ERBB4: variants seen among roughly 807,000 people sequenced by gnomAD.
ERBB4 encodes receptor tyrosine-protein kinase erbB-4.
ERBB4 carries 42 observed loss-of-function variants against 158.0 expected under a neutral mutation model. The observed-to-expected ratio is 0.27, with a 90% CI of 0.21 to 0.34. ERBB4 has a LOEUF of 0.34. Among genes scored for constraint, ERBB4 ranks in the 10% least tolerant of loss-of-function variants. The pLI is 1.00. For missense variants in ERBB4, 1,333 were observed against 1,624.1 expected (o/e 0.82, Z 3.08); for synonymous variants, 583 against 558.7 (o/e 1.04, Z -0.61).
chr2:211,442,314 C>T (rs1222208343), intron 20 of ERBB4, among the ~76,000 whole-genome samples: 1 of 152,066 alleles, frequency 6.6e-6, no homozygotes, highest in Non-Finnish European at 1.5e-5. Flanking sequence ...ACAAGATCTT[C>T]CCCAACTCCT....
At chr2:211,653,498 G>T in intron 16 of ERBB4, among the ~76,000 whole-genome samples, 1 of 11,088 alleles carries the variant, frequency 9.0e-5, no homozygotes. Flanking sequence ...CGCCCGCCCC[G>T]CTGGTTTGGG....
intron 2 of ERBB4, among the ~76,000 whole-genome samples, chr2:212,094,266 T>A (rs1035706838): frequency 4.0e-5 from 6 of 149,512 alleles, no homozygotes; most frequent in Non-Finnish European, 8.9e-5. Flanking sequence ...TAATAAAAAA[T>A]AATAATAATA....
chr2:211,443,081 C>T (rs1269049424), intron 20 of ERBB4, among the ~76,000 whole-genome samples: 1 of 151,980 alleles, frequency 6.6e-6, no homozygotes, highest in African/African-American at 2.4e-5. Flanking sequence ...CTCATCCTTA[C>T]TCTTTCTATC....
chr2:211,964,651 A>T (rs1575444698), intron 2 of ERBB4, among the ~76,000 whole-genome samples: 1 of 152,282 alleles, frequency 6.6e-6, no homozygotes, highest in South Asian at 2.1e-4. Context: ...TAGCTGACAC[A>T]CAGAAATAAA....
chr2:211,387,006 T>C lies in ERBB4; in HGVS notation c.3328A>G (p.Thr1110Ala). The C allele has an allele frequency of 6.2e-7, 1 of 1,613,664 alleles. No individual in the cohort carries two copies. The highest frequency in any genetic ancestry group is 8.5e-7 in the Non-Finnish European group (1 of 1,179,908). Residue 1110 changes from threonine to alanine, a missense_variant, in exon 27 of 28, where the codon ACC becomes GCC. Thr to Ala is a moderately conservative substitution (Grantham distance 58). This residue lies in a region of ERBB4 where 252 missense variants were observed against 241.3 expected (regional missense o/e 1.04). Transcript: ENST00000342788. ...TGGGGTGCCACTGGCTTGCGTAGGG[T>C]GCCATTACAGCAGGAGTCATCAAAA... ...EIFDDSCCNGTLRKPVAPHVQ... is the reference protein window; with the variant it reads ...EIFDDSCCNGALRKPVAPHVQ...
chr2:212,535,290 A>G (rs1692987045), intron 1 of ERBB4, among the ~76,000 whole-genome samples: 1 of 152,280 alleles, frequency 6.6e-6, no homozygotes, highest in Admixed American at 6.5e-5. Flanking sequence ...TTGTACCGAT[A>G]GATGTGCTTA....
intron 1 of ERBB4, among the ~76,000 whole-genome samples, chr2:212,304,204 G>T (rs1255955288): frequency 6.6e-6 from 1 of 151,472 alleles, no homozygotes; most frequent in Admixed American, 6.6e-5. Flanking sequence ...AAATATTTCT[G>T]TACAACCGGT....
chr2:212,389,164 C>A (rs916871416), intron 1 of ERBB4, among the ~76,000 whole-genome samples: 1 of 152,034 alleles, frequency 6.6e-6, no homozygotes, highest in Non-Finnish European at 1.5e-5. Context: ...CATTAGCAAA[C>A]CCCTCTTACA....
chr2:211,854,550 A>G (rs1040263706), intron 3 of ERBB4, among the ~76,000 whole-genome samples: 2 of 152,144 alleles, frequency 1.3e-5, no homozygotes, highest in Non-Finnish European at 2.9e-5. Flanking sequence ...AGTTTTACCT[A>G]ATTGTAAATA....
At chr2:211,726,983 C>T (rs1225640837) in intron 5 of ERBB4, among the ~76,000 whole-genome samples, 2 of 152,146 alleles carry the variant, frequency 1.3e-5, no homozygotes, top group Non-Finnish European at 2.9e-5. Context: ...CAAGGCATTT[C>T]TCCATGTTAA....
At chr2:211,680,610 T>C (rs572636022) in intron 12 of ERBB4, among the ~76,000 whole-genome samples, 2 of 152,332 alleles carry the variant, frequency 1.3e-5, no homozygotes, top group Non-Finnish European at 2.9e-5. Context: ...CTCTAACATA[T>C]GCTTGACAGA....
chr2:212,423,768 G>A (rs2091848692), intron 1 of ERBB4, among the ~76,000 whole-genome samples: 1 of 152,044 alleles, frequency 6.6e-6, no homozygotes. Flanking sequence ...CAAATTTAAG[G>A]AAGGTGATAC....
At chr2:211,399,842 C>T (rs2062996421) in intron 25 of ERBB4, among the ~76,000 whole-genome samples, 1 of 152,012 alleles carries the variant, frequency 6.6e-6, no homozygotes, top group African/African-American at 2.4e-5. Context: ...TAACTAAGAA[C>T]AATAAGACAG....
At chr2:211,960,649 G>C (rs2081157448) in intron 2 of ERBB4, 1 of 152,074 alleles carries the variant, frequency 6.6e-6, no homozygotes, top group Admixed American at 6.6e-5. Context: ...CAAGGTGTCA[G>C]CAAATTGAGT....
chr2:212,008,234 A>G (rs1317634315), intron 2 of ERBB4, among the ~76,000 whole-genome samples: 2 of 152,084 alleles, frequency 1.3e-5, no homozygotes, highest in Non-Finnish European at 2.9e-5. Context: ...TACAAAATGC[A>G]AATTATGATA....
chr2:211,389,013 A>C (rs2062745241), intron 25 of ERBB4, among the ~76,000 whole-genome samples: 1 of 152,062 alleles, frequency 6.6e-6, no homozygotes. Context: ...ATAAACCTCT[A>C]AGATACCTTA....
intron 1 of ERBB4, among the ~76,000 whole-genome samples, chr2:212,413,949 A>T (rs2091577426): frequency 6.6e-6 from 1 of 152,174 alleles, no homozygotes; most frequent in South Asian, 2.1e-4. Flanking sequence ...TAATCTTCAG[A>T]TTCTCAGTTT....
chr2:212,460,978 C>A (rs1688541897), intron 1 of ERBB4, among the ~76,000 whole-genome samples: 1 of 152,152 alleles, frequency 6.6e-6, no homozygotes, highest in Non-Finnish European at 1.5e-5. Flanking sequence ...TGGTGCCATG[C>A]ATTTCAGCTG....
chr2:212,240,664 A>AAAAC (rs2084064291), intron 1 of ERBB4, among the ~76,000 whole-genome samples: 18 of 148,234 alleles, frequency 1.2e-4, no homozygotes, highest in African/African-American at 4.5e-4. Context: ...AAAAAAAAAA[A>AAAAC]AAACAGAAAA....
Sources: gnomAD v4.1 joint callset for allele counts (sites outside exome capture counted in the v4.1 genomes callset) on GRCh38, gnomAD v4.1.1 for gene constraint, gnomAD v4.1.1 regional missense constraint, MANE v1.5 for transcripts, NCBI Gene and HGNC (gene_info 2026-07-23, HGNC 2026-07-21) for gene names.